NAALADL2: variants seen among roughly 807,000 people sequenced by gnomAD.
The protein encoded by NAALADL2 is inactive N-acetylated-alpha-linked acidic dipeptidase-like protein 2.
A neutral mutation model predicts 87.2 loss-of-function variants in NAALADL2; 76 were observed. The observed-to-expected ratio is 0.87, with a 90% CI of 0.72 to 1.05. NAALADL2 has a LOEUF of 1.05. Among genes scored for constraint, NAALADL2 ranks in the 50% least tolerant of loss-of-function variants. The probability of loss-of-function intolerance (pLI) is 0.00; values close to 1 mark genes in which losing one functional copy is unlikely to be tolerated. For missense variants in NAALADL2, 1,089 were observed against 945.8 expected (o/e 1.15, Z -1.99); for synonymous variants, 354 against 331.0 (o/e 1.07, Z -0.75).
intron 1 of NAALADL2, among the ~76,000 whole-genome samples, chr3:174,869,275 A>G (rs1727506168): frequency 6.6e-6 from 1 of 152,178 alleles, no homozygotes; most frequent in Non-Finnish European, 1.5e-5. Flanking sequence ...GCCCTGGGAA[A>G]TGACCACACT....
At chr3:175,683,231 T>G (rs2149888978) in intron 11 of NAALADL2, among the ~76,000 whole-genome samples, 1 of 152,140 alleles carries the variant, frequency 6.6e-6, no homozygotes, top group South Asian at 2.1e-4. Context: ...AAGTAAAAAT[T>G]TATTTTAAAA....
At chr3:175,298,931 ATTT>A (rs1756696824) in intron 4 of NAALADL2, among the ~76,000 whole-genome samples, 1 of 152,188 alleles carries the variant, frequency 6.6e-6, no homozygotes, top group South Asian at 2.1e-4. Flanking sequence ...ATATTGGAAC[ATTT>A]TTAAGTGCAA....
At chr3:175,578,383 A>C (rs1719224446) in intron 10 of NAALADL2, among the ~76,000 whole-genome samples, 1 of 152,086 alleles carries the variant, frequency 6.6e-6, no homozygotes, top group Non-Finnish European at 1.5e-5. Context: ...CAGTGAGCCA[A>C]GATCACACCA....
At chr3:175,293,058 A>G (rs2110158498) in intron 4 of NAALADL2, among the ~76,000 whole-genome samples, 1 of 151,082 alleles carries the variant, frequency 6.6e-6, no homozygotes, top group Non-Finnish European at 1.5e-5. Flanking sequence ...AAAAAAAAAA[A>G]AAAAAGGGGG....
chr3:175,195,219 G>A (rs978721801), intron 2 of NAALADL2, among the ~76,000 whole-genome samples: 1 of 151,608 alleles, frequency 6.6e-6, no homozygotes, highest in Non-Finnish European at 1.5e-5. Flanking sequence ...ATATATTTTG[G>A]AGAACCTACT....
rs531506165 is a variant in NAALADL2, at chr3:174,817,172, A to T, written c.-9+79426A>T. The stretch of plus-strand genomic sequence containing the variant: ...TTGAGTGACTAGATAATCCACAGGG[A>T]TCAAATAAAATGACAAAATAACCCA... On this transcript the variant is annotated intron_variant, in intron 3 of 3. Coordinates refer to the NAALADL2 transcript ENST00000434257. Among the ~76,000 whole-genome samples the T allele has an allele frequency of 3.9e-5, 6 of 152,350 alleles. No individual in the cohort carries two copies. In the East Asian group the frequency reaches 5.8e-4, roughly 15 times the overall value.
At chr3:175,473,701 C>G (rs752534964) in intron 9 of NAALADL2, among the ~76,000 whole-genome samples, 1 of 151,550 alleles carries the variant, frequency 6.6e-6, no homozygotes, top group Non-Finnish European at 1.5e-5. Context: ...ACGAAGAAAA[C>G]AAAACTTTAC....
chr3:175,221,047 A>C, intron 2 of NAALADL2, among the ~76,000 whole-genome samples: 1 of 151,894 alleles, frequency 6.6e-6, no homozygotes, highest in Non-Finnish European at 1.5e-5. Context: ...AATACAAAAA[A>C]ATTTAGCCAG....
Position 175,807,744 on chromosome 3 carries a change from C to T in NAALADL2, c.*4541C>T, listed in dbSNP as rs931680542. The T allele has an allele frequency of 1.3e-5, 2 of 151,940 alleles. No homozygotes were observed. Among genetic ancestry groups the T allele is most frequent in the Non-Finnish European group, 2.9e-5 (2 of 67,902 alleles). 9.4% of individuals were successfully genotyped at this position (151,940 alleles called of 1,614,324 possible). On this transcript the variant is annotated 3_prime_UTR_variant, in exon 14 of 14. Coordinates refer to ENST00000454872, the MANE Select transcript of NAALADL2 (RefSeq NM_207015.3). ...AAAATATATATATTCTGCCCAGCCACACTGGTGAGTTTTTATTTCTTGTAT... is the reference window on the plus strand; with the variant it reads ...AAAATATATATATTCTGCCCAGCCATACTGGTGAGTTTTTATTTCTTGTAT...
At chr3:174,669,811 C>T (rs1726351375) in intron 2 of NAALADL2, among the ~76,000 whole-genome samples, 1 of 151,896 alleles carries the variant, frequency 6.6e-6, no homozygotes, top group African/African-American at 2.4e-5. Flanking sequence ...TTAATTGAAT[C>T]TGTAGGTAGC....
chr3:175,575,380 GT>G (rs1354856571), intron 9 of NAALADL2, among the ~76,000 whole-genome samples: 1 of 152,042 alleles, frequency 6.6e-6, no homozygotes, highest in African/African-American at 2.4e-5. Flanking sequence ...TGCCTCCTGG[GT>G]TCAAACAAGT....
chr3:174,715,617 A>G (rs1353137238), intron 2 of NAALADL2, among the ~76,000 whole-genome samples: 1 of 152,198 alleles, frequency 6.6e-6, no homozygotes, highest in Non-Finnish European at 1.5e-5. Flanking sequence ...AATCAGCAAA[A>G]GCCCAGTTTC....
intron 1 of NAALADL2, among the ~76,000 whole-genome samples, chr3:174,469,009 C>T (rs1231300266): frequency 6.6e-6 from 1 of 152,026 alleles, no homozygotes. Context: ...GTGATCCGCC[C>T]GCCCTGGCCT....
At chr3:174,722,371 A>T (rs1416930700) in intron 2 of NAALADL2, among the ~76,000 whole-genome samples, 1 of 152,118 alleles carries the variant, frequency 6.6e-6, no homozygotes, top group African/African-American at 2.4e-5. Context: ...AAATTATCCT[A>T]ATTTAACCCT....
chr3:175,790,110 T>C (rs1003465041), intron 13 of NAALADL2, among the ~76,000 whole-genome samples: 3 of 152,136 alleles, frequency 2.0e-5, no homozygotes, highest in Non-Finnish European at 4.4e-5. Context: ...CAACACCAAG[T>C]AATTATGACC....
intron 1 of NAALADL2, among the ~76,000 whole-genome samples, chr3:174,895,678 A>T (rs1731428448): frequency 2.0e-5 from 3 of 151,958 alleles, no homozygotes; most frequent in African/African-American, 7.2e-5. Flanking sequence ...AACTTATTGT[A>T]TGAGGCCATT....
intron 3 of NAALADL2, among the ~76,000 whole-genome samples, chr3:174,845,152 A>C (rs9834318): frequency 6.6e-6 from 1 of 152,004 alleles, no homozygotes; most frequent in African/African-American, 2.4e-5. Context: ...TGGGTTAATA[A>C]ACCTAAGCAC....
At chr3:175,627,142 G>A in intron 10 of NAALADL2, 149 bp from the exon 11 acceptor site, 1 of 615,154 alleles carries the variant, frequency 1.6e-6, no homozygotes, top group Non-Finnish European at 2.9e-6. Flanking sequence ...TCTGGGATGG[G>A]TAGTTAGATC....
intron 4 of NAALADL2, among the ~76,000 whole-genome samples, chr3:175,268,152 T>C (rs939539927): frequency 6.6e-6 from 1 of 152,076 alleles, no homozygotes; most frequent in African/African-American, 2.4e-5. Flanking sequence ...TATCATGGAG[T>C]GTACTTAGAC....
Sources: gnomAD v4.1 joint callset for allele counts (sites outside exome capture counted in the v4.1 genomes callset) on GRCh38, gnomAD v4.1.1 for gene constraint, MANE v1.5 for transcripts, NCBI Gene and HGNC (gene_info 2026-07-23, HGNC 2026-07-21) for gene names.